Variants in MAPT observed in about 807,000 individuals in gnomAD.
MAPT encodes the protein microtubule-associated protein tau.
MAPT carries 34 observed loss-of-function variants against 67.9 expected under a neutral mutation model. The ratio of observed to expected loss-of-function variants is 0.50; its 90% CI spans 0.38 to 0.67. MAPT has a LOEUF of 0.67. MAPT is among the 30% of genes least tolerant of loss of function. The probability of loss-of-function intolerance (pLI) is 0.00; values close to 1 mark genes in which losing one functional copy is unlikely to be tolerated. For synonymous variants in MAPT, 456 were observed against 464.5 expected (o/e 0.98, Z 0.23); for missense variants, 881 against 1,115.2 (o/e 0.79, Z 2.99).
intron 9 of MAPT, among the ~76,000 whole-genome samples, chr17:46,002,517 T>TG (rs943098594): frequency 2.0e-5 from 3 of 150,730 alleles, no homozygotes; most frequent in African/African-American, 7.3e-5. Flanking sequence ...GGCCCAAGCA[T>TG]GGGGGGGCCT....
intron 2 of MAPT, among the ~76,000 whole-genome samples, chr17:45,963,316 T>C (rs546592208): frequency 2.6e-5 from 4 of 152,304 alleles, no homozygotes; most frequent in South Asian, 2.1e-4. Context: ...TCAGACCACA[T>C]GGTTGGGGAC....
intron 9 of MAPT, chr17:45,999,496 AT>A (rs1394223967): frequency 6.2e-7 from 1 of 1,614,010 alleles, no homozygotes; most frequent in South Asian, 1.1e-5. Flanking sequence ...TGTGGGCACC[AT>A]TTGGCCCAGT....
intron 5 of MAPT, 83 bp downstream of exon 5, chr17:45,984,013 G>A: frequency 1.7e-6 from 2 of 1,183,818 alleles, no homozygotes; most frequent in Non-Finnish European, 2.4e-6. Flanking sequence ...GAGCTTCCAG[G>A]CCTCCCGACT....
intron 1 of MAPT, among the ~76,000 whole-genome samples, chr17:45,925,643 T>C (rs1344400175): frequency 6.6e-6 from 1 of 152,224 alleles, no homozygotes; most frequent in African/African-American, 2.4e-5. Context: ...TAGAATAGTA[T>C]GTAGCCATTA....
At chr17:45,991,008 C>G (rs1394650138) in intron 7 of MAPT, among the ~76,000 whole-genome samples, 1 of 152,236 alleles carries the variant, frequency 6.6e-6, no homozygotes, top group Non-Finnish European at 1.5e-5. Context: ...CTCTCTTTAG[C>G]ATCCTTGGTC....
chr17:45,938,264 T>C (rs1268777292), intron 1 of MAPT, among the ~76,000 whole-genome samples: 1 of 152,198 alleles, frequency 6.6e-6, no homozygotes, highest in African/African-American at 2.4e-5. Context: ...CAGGGGAGAA[T>C]CCATTTTCTT....
intron 11 of MAPT, among the ~76,000 whole-genome samples, chr17:46,015,357 CAAAAAT>C (rs1042244427): frequency 4.1e-5 from 6 of 144,796 alleles, no homozygotes; most frequent in African/African-American, 1.2e-4. Flanking sequence ...AACTCCGTCT[CAAAAAT>C]AAAAATAAAA....
intron 1 of MAPT, among the ~76,000 whole-genome samples, chr17:45,957,712 G>C (rs1484213949): frequency 6.6e-6 from 1 of 152,202 alleles, no homozygotes. Flanking sequence ...CCCCAACTGA[G>C]AGATTCAGAA....
chr17:45,940,394 C>G (rs2067747163), intron 1 of MAPT, among the ~76,000 whole-genome samples: 1 of 152,190 alleles, frequency 6.6e-6, no homozygotes, highest in Non-Finnish European at 1.5e-5. Context: ...CTTCAGAGTC[C>G]TCATCTGTGA....
intron 12 of MAPT, among the ~76,000 whole-genome samples, chr17:46,021,862 G>A (rs111621518): frequency 7.0e-4 from 107 of 152,218 alleles, no homozygotes; most frequent in African/African-American, 2.5e-3. Flanking sequence ...TGGTCCTGGG[G>A]ATCCCCGCAG....
intron 3 of MAPT, chr17:45,976,653 C>G (rs2145549568): frequency 6.6e-6 from 1 of 152,438 alleles, no homozygotes; most frequent in South Asian, 2.1e-4. Context: ...GCCCTCCTGG[C>G]TCTTGTAAAA....
At chr17:45,992,955 G>A (rs1028450661) in intron 8 of MAPT, among the ~76,000 whole-genome samples, 2 of 151,178 alleles carry the variant, frequency 1.3e-5, no homozygotes, top group African/African-American at 2.4e-5. Context: ...CTGCCTGCCC[G>A]AGCACTTCTC....
intron 6 of MAPT, among the ~76,000 whole-genome samples, chr17:45,987,799 G>A (rs1375520035): frequency 3.9e-5 from 6 of 152,210 alleles, no homozygotes; most frequent in African/African-American, 9.6e-5. Flanking sequence ...GCCTCATCTA[G>A]TGAGGCAGTG....
chr17:46,011,610 G>A (rs2075824626), intron 10 of MAPT, among the ~76,000 whole-genome samples: 1 of 152,082 alleles, frequency 6.6e-6, no homozygotes, highest in African/African-American at 2.4e-5. Context: ...AGCTCTCTTG[G>A]TCAGCTGAAA....
rs116792707 is a variant in MAPT, at chr17:45,988,103, G to A, written c.1407+1008G>A. The stretch of plus-strand genomic sequence containing the variant: ...GGGGCCGTGTGCAGCGAGGGAAGGA[G>A]GAGTCGTCAATACCCCCACCCCAGC... On this transcript the variant is annotated intron_variant, in intron 6 of 12. Coordinates refer to ENST00000262410, the MANE Select transcript of MAPT (RefSeq NM_001377265.1). Among the ~76,000 whole-genome samples, 463 of 152,272 alleles carry A rather than the reference G, an allele frequency of 3.0e-3. 1 individual carries two copies. Among genetic ancestry groups the A allele is most frequent in the African/African-American group, 0.011 (443 of 41,548 alleles).
intron 7 of MAPT, 110 bp from the exon 8 acceptor site, chr17:45,991,350 A>C (rs1371836990): frequency 7.0e-7 from 1 of 1,427,942 alleles, no homozygotes; most frequent in African/African-American, 1.4e-5. Flanking sequence ...GGGTCACCCC[A>C]GTCTTAGCCA....
intron 11 of MAPT, among the ~76,000 whole-genome samples, chr17:46,018,312 A>G (rs1194439261): frequency 2.6e-5 from 4 of 152,160 alleles, no homozygotes; most frequent in Non-Finnish European, 5.9e-5. Context: ...GAAGCAAACT[A>G]TTTTCAAGAG....
intron 1 of MAPT, among the ~76,000 whole-genome samples, chr17:45,947,899 A>G (rs1201278607): frequency 1.3e-5 from 2 of 152,158 alleles, no homozygotes; most frequent in Non-Finnish European, 2.9e-5. Flanking sequence ...AATAAATCAA[A>G]ATAGCATGGA....
intron 7 of MAPT, among the ~76,000 whole-genome samples, chr17:45,991,068 C>T (rs1274971316): frequency 6.6e-6 from 1 of 152,226 alleles, no homozygotes; most frequent in Non-Finnish European, 1.5e-5. Context: ...CCACCATCAG[C>T]CAAATAAATC....
Sources: gnomAD v4.1 joint callset for allele counts (sites outside exome capture counted in the v4.1 genomes callset) on GRCh38, gnomAD v4.1.1 for gene constraint, MANE v1.5 for transcripts, NCBI Gene and HGNC (gene_info 2026-07-23, HGNC 2026-07-21) for gene names.